Variants in CLTCL1 observed in about 807,000 individuals in gnomAD.
The protein encoded by CLTCL1 is clathrin heavy chain 2.
A neutral mutation model predicts 190.0 loss-of-function variants in CLTCL1; 159 were observed. That is an observed-to-expected ratio of 0.84 (90% confidence interval 0.74 to 0.95). The LOEUF is 0.95. CLTCL1 is among the 40% of genes least tolerant of loss of function. CLTCL1 has a pLI of 0.00. For missense variants in CLTCL1, 1,878 were observed against 2,033.4 expected, an observed-to-expected ratio of 0.92 and a Z score of 1.47; for synonymous variants, 752 against 769.6, an observed-to-expected ratio of 0.98 and a Z score of 0.38.
At chr22:19,183,769 C>G in intron 29 of CLTCL1, 158 bp from the exon 30 acceptor site, 1 of 695,324 alleles carries the variant, frequency 1.4e-6, no homozygotes, top group East Asian at 2.7e-5. Context: ...TCCCTATGCC[C>G]TGCTGCCCAC....
rs925848295 is a variant in CLTCL1, at chr22:19,183,568, G to A, written c.4649C>T (p.Ala1550Val). Residue 1550 changes from alanine (A) to valine (V), a missense_variant, in exon 30 of 33, where the codon GCC becomes GTC. By Grantham distance (64) the Ala-to-Val change is moderately conservative. Transcript: ENST00000427926. ...HAAESRDAEL[A>V]QKLLQWFLEE... ...CAGGAACCACTGCAGCAACTTCTGG[G>A]CCAGCTCAGCATCCCGCGACTCTGC... is the stretch of plus-strand genomic sequence containing the variant. 1.2e-6 allele frequency: 2 copies of A among 1,613,768 alleles called. No homozygotes were observed. The highest frequency in any genetic ancestry group is 1.7e-6 in the Non-Finnish European group (2 of 1,179,892).
intron 22 of CLTCL1, among the ~76,000 whole-genome samples, chr22:19,203,646 C>T (rs182886226): frequency 5.3e-5 from 8 of 152,148 alleles, no homozygotes; most frequent in Non-Finnish European, 7.4e-5. Context: ...TTGGTCCATC[C>T]CCCCCCAGCC....
At chr22:19,284,936 C>G (rs1288241648) in intron 1 of CLTCL1, among the ~76,000 whole-genome samples, 1 of 151,852 alleles carries the variant, frequency 6.6e-6, no homozygotes, top group Non-Finnish European at 1.5e-5. Context: ...GCCTGGTGGA[C>G]AGAGCGAGAC....
intron 12 of CLTCL1, 29 bp from the exon 13 acceptor site, chr22:19,225,662 C>T (rs560295886): frequency 1.4e-5 from 22 of 1,527,934 alleles, no homozygotes; most frequent in South Asian, 6.1e-5. Context: ...CTGTCCACAA[C>T]GATGCACCAC....
intron 1 of CLTCL1, among the ~76,000 whole-genome samples, chr22:19,281,125 C>T (rs2087696988): frequency 7.1e-6 from 1 of 141,694 alleles, no homozygotes; most frequent in South Asian, 2.2e-4. Flanking sequence ...CCTGTCTCTA[C>T]TAAAAAAAAA....
intron 3 of CLTCL1, 75 bp from the exon 4 acceptor site, chr22:19,243,011 C>G (rs2086304533): frequency 7.1e-7 from 1 of 1,404,342 alleles, no homozygotes; most frequent in South Asian, 1.3e-5. Flanking sequence ...AAATATATTT[C>G]TAAAATGAAA....
rs1555932078 is a variant in CLTCL1, at chr22:19,191,428, T to C, written c.4199A>G (p.Asn1400Ser). The change falls in exon 27 of 33, where the codon AAC (asparagine) becomes AGC (serine). Residue 1400 changes from asparagine (N) to serine (S), a missense_variant. Coordinates refer to ENST00000427926, the MANE Select transcript of CLTCL1 (RefSeq NM_007098.4). ...QFKDIITKVA[N>S]VELCYRALQF... ...CAGGGCTCTGTAACAGAGCTCGACG[T>C]TGGCAACCTGTGGTGAGCAAAGCTG... 5.0e-6 allele frequency: 8 copies of C among 1,613,410 alleles called. No homozygotes were observed. Among genetic ancestry groups the C allele is most frequent in the Non-Finnish European group, 6.8e-6 (8 of 1,179,868 alleles).
Position 19,254,025 on chromosome 22 carries a change from G to A in CLTCL1, c.453C>T (p.Cys151=). The A allele has an allele frequency of 1.2e-6, 2 of 1,612,754 alleles. No homozygotes were observed. The highest frequency in any genetic ancestry group is 1.7e-6 in the Non-Finnish European group (2 of 1,179,348). Residue 151 remains cysteine, a synonymous_variant, in exon 3 of 33, where the codon TGC becomes TGT. Transcript: ENST00000427926. The stretch of plus-strand genomic sequence containing the variant: ...CATCAGTCCGGTAGTGAATCACCTG[G>A]CAGCCCACCAGACTGGTATGTCTAT... ...MFDRHTSLVG[C]QVIHYRTDEY...
intron 22 of CLTCL1, among the ~76,000 whole-genome samples, chr22:19,204,072 C>CCCTGCT (rs1370934429): frequency 6.6e-6 from 1 of 152,228 alleles, no homozygotes; most frequent in Non-Finnish European, 1.5e-5. Context: ...TCTATGCACT[C>CCCTGCT]CCTGCTCCAC....
At chr22:19,193,461 T>C (rs5748035) in intron 26 of CLTCL1, among the ~76,000 whole-genome samples, 10,953 of 151,856 alleles carry the variant, frequency 0.072, 504 homozygotes, top group East Asian at 0.14. Context: ...CAGGATGGGG[T>C]GAGTCCACTA....
In CLTCL1 at chr22:19,198,838, A is replaced by G. The variant is rs1249586064; in HGVS notation, c.3873+896T>C. Among the ~76,000 whole-genome samples, 1 of 152,206 alleles carries G rather than the reference A, an allele frequency of 6.6e-6. No homozygotes were observed. Among genetic ancestry groups the G allele is most frequent in the Non-Finnish European group, 1.5e-5 (1 of 68,042 alleles). ...CTTTTCTGTTTTGTTCACTGACACA[A>G]TTATTGAGAATAATGCCTAGCACAC... On this transcript the variant is annotated intron_variant, in intron 24 of 32. Transcript: ENST00000427926. The surrounding 1 kb of genome is among the most constrained non-coding windows in gnomAD (Gnocchi z 4.1).
At chr22:19,203,400 A>G (rs1374169855) in intron 22 of CLTCL1, among the ~76,000 whole-genome samples, 2 of 152,192 alleles carry the variant, frequency 1.3e-5, no homozygotes, top group South Asian at 4.1e-4. Context: ...GCTTCCCATC[A>G]GAGCACAGTT....
chr22:19,231,605 G>A (rs2085919875), intron 10 of CLTCL1, among the ~76,000 whole-genome samples: 1 of 152,146 alleles, frequency 6.6e-6, no homozygotes, highest in Admixed American at 6.5e-5. Flanking sequence ...AAGTTAAATT[G>A]ATGTTAATTT....
chr22:19,190,377 A>G (rs577123656), intron 27 of CLTCL1, among the ~76,000 whole-genome samples: 2 of 152,304 alleles, frequency 1.3e-5, no homozygotes, highest in East Asian at 3.9e-4. Flanking sequence ...ACATTTATCC[A>G]TTAAGTTTCC....
chr22:19,289,142 C>T (rs1555991807), intron 1 of CLTCL1, among the ~76,000 whole-genome samples: 1 of 152,152 alleles, frequency 6.6e-6, no homozygotes, highest in Non-Finnish European at 1.5e-5. Context: ...TACCAACACG[C>T]CCGGCTAATA....
chr22:19,259,469 T>G (rs868967551), intron 2 of CLTCL1, among the ~76,000 whole-genome samples: 1 of 152,160 alleles, frequency 6.6e-6, no homozygotes, highest in Non-Finnish European at 1.5e-5. Context: ...ATTGGTATCA[T>G]TTTTCCAACA....
At chr22:19,236,584 T>G (rs548682314) in intron 5 of CLTCL1, among the ~76,000 whole-genome samples, 4 of 152,288 alleles carry the variant, frequency 2.6e-5, no homozygotes, top group Admixed American at 2.6e-4. Flanking sequence ...TGAAGTATGA[T>G]TTTACCACTG....
At chr22:19,180,150 G>A (rs2146166814) in intron 32 of CLTCL1, 49 bp downstream of exon 32, 1 of 1,536,572 alleles carries the variant, frequency 6.5e-7, no homozygotes, top group Middle Eastern at 1.7e-4. Context: ...GTCAGCCAGA[G>A]AACCTGGCCT....
At chr22:19,287,406 G>A (rs1406943927) in intron 1 of CLTCL1, among the ~76,000 whole-genome samples, 2 of 152,196 alleles carry the variant, frequency 1.3e-5, no homozygotes, top group Non-Finnish European at 2.9e-5. Context: ...AGAGGGGTGA[G>A]AGGAGAATGT....
Sources: gnomAD v4.1 joint callset for allele counts (sites outside exome capture counted in the v4.1 genomes callset) on GRCh38, gnomAD v4.1.1 for gene constraint, Gnocchi (gnomAD v3.1) non-coding constraint, MANE v1.5 for transcripts, NCBI Gene and HGNC (gene_info 2026-07-23, HGNC 2026-07-21) for gene names.